Variants in SLC5A4 observed in about 807,000 individuals in gnomAD.
SLC5A4 encodes the protein solute carrier family 5 member 4, also known as probable glucose sensor protein SLC5A4.
SLC5A4 carries 55 observed loss-of-function variants against 70.3 expected under a neutral mutation model. The ratio of observed to expected loss-of-function variants is 0.78; its 90% confidence interval spans 0.63 to 0.98. The LOEUF is 0.98. Among genes scored for constraint, SLC5A4 ranks in the 50% least tolerant of loss-of-function variants. SLC5A4 has a pLI of 0.00. For missense variants in SLC5A4, 735 were observed against 839.2 expected (o/e 0.88, Z 1.53); for synonymous variants, 268 against 305.7 (o/e 0.88, Z 1.29).
At chr22:32,303,077 G>T in the SLC5A4 span, among the ~76,000 whole-genome samples, 1 of 151,952 alleles carries the variant, frequency 6.6e-6, no homozygotes, top group Non-Finnish European at 1.5e-5. Context: ...CAGGATATGG[G>T]TGTGAACCCA....
chr22:32,315,811 AAAAAG>A, the SLC5A4 span, among the ~76,000 whole-genome samples: 1,425 of 133,566 alleles, frequency 0.011, 18 homozygotes, highest in South Asian at 0.027. Context: ...AAAAAAAAAA[AAAAAG>A]AGACTGGATC....
the SLC5A4 span, among the ~76,000 whole-genome samples, chr22:32,260,696 T>G: frequency 6.6e-6 from 1 of 151,234 alleles, no homozygotes; most frequent in African/African-American, 2.4e-5. Flanking sequence ...ACGAGAGGAG[T>G]TAGATGAAAA....
chr22:32,339,456 C>G, the SLC5A4 span, among the ~76,000 whole-genome samples: 1 of 152,288 alleles, frequency 6.6e-6, no homozygotes, highest in Admixed American at 6.5e-5. Flanking sequence ...AGCTCTGATT[C>G]GAAGACTACG....
chr22:32,243,258 G>A (rs1926638820), intron 5 of SLC5A4, among the ~76,000 whole-genome samples: 1 of 152,148 alleles, frequency 6.6e-6, no homozygotes, highest in African/African-American at 2.4e-5. Flanking sequence ...TAAGAAGGGT[G>A]GAGTAGGGAC....
the SLC5A4 span, among the ~76,000 whole-genome samples, chr22:32,349,578 C>A: frequency 0.13 from 19,814 of 152,236 alleles, 1,752 homozygotes; most frequent in Non-Finnish European, 0.2. Context: ...ATTTTGAAGA[C>A]ATTTTCATTT....
the SLC5A4 span, among the ~76,000 whole-genome samples, chr22:32,264,787 A>T: frequency 6.6e-6 from 1 of 152,158 alleles, no homozygotes; most frequent in Admixed American, 6.5e-5. Flanking sequence ...GCTGTTCCAC[A>T]CTTTTTTTGT....
At chr22:32,259,886 G>C (rs4447695), upstream of SLC5A4, among the ~76,000 whole-genome samples, 2 of 152,212 alleles carry the variant, frequency 1.3e-5, no homozygotes, top group East Asian at 3.9e-4. Context: ...GTATTCACAG[G>C]AGTAGGTAAA....
the SLC5A4 span, chr22:32,285,265 C>A: frequency 6.6e-6 from 1 of 152,106 alleles, no homozygotes; most frequent in Non-Finnish European, 1.5e-5. Context: ...CCATGGAATT[C>A]CATTTTACTC....
intron 5 of SLC5A4, among the ~76,000 whole-genome samples, chr22:32,239,553 TA>T (rs1221061789): frequency 0.033 from 554 of 16,628 alleles, 42 homozygotes; most frequent in African/African-American, 0.2. Context: ...TATATATATA[TA>T]TATATATATA....
chr22:32,297,527 A>T, the SLC5A4 span, among the ~76,000 whole-genome samples: 2 of 79,728 alleles, frequency 2.5e-5, no homozygotes, highest in Non-Finnish European at 5.1e-5. Context: ...TATTGTGTCT[A>T]TTTGATTCTT....
chr22:32,262,033 T>A, the SLC5A4 span, among the ~76,000 whole-genome samples: 1 of 152,260 alleles, frequency 6.6e-6, no homozygotes, highest in Admixed American at 6.5e-5. Context: ...TAGTATTCCA[T>A]TGTGCATATA....
At chr22:32,330,875 GCTGTGTAGGAGTGTTGGGGGCTCTCCT>G in the SLC5A4 span, among the ~76,000 whole-genome samples, 3 of 120,344 alleles carry the variant, frequency 2.5e-5, no homozygotes, top group East Asian at 2.9e-4. Flanking sequence ...TGGAGGGTCT[GCTGTGTAGGAGTGTTGGGGGCTCTCCT>G]GTGTGTGTGT....
the SLC5A4 span, among the ~76,000 whole-genome samples, chr22:32,285,959 A>G: frequency 6.6e-6 from 1 of 152,046 alleles, no homozygotes; most frequent in Non-Finnish European, 1.5e-5. Context: ...GATGGTTTCG[A>G]TATCCTGACC....
chr22:32,256,631 A>T (rs959469482), upstream of SLC5A4, among the ~76,000 whole-genome samples: 1 of 152,060 alleles, frequency 6.6e-6, no homozygotes, highest in African/African-American at 2.4e-5. Context: ...TTACTATATA[A>T]ATTTGCCTAT....
At chr22:32,261,992 A>C in the SLC5A4 span, among the ~76,000 whole-genome samples, 4 of 152,236 alleles carry the variant, frequency 2.6e-5, no homozygotes, top group Non-Finnish European at 5.9e-5. Flanking sequence ...ATGTTGTTGC[A>C]AATGACATGA....
chr22:32,306,919 TTG>T, the SLC5A4 span, among the ~76,000 whole-genome samples: 1 of 144,480 alleles, frequency 6.9e-6, no homozygotes, highest in Non-Finnish European at 1.5e-5. Flanking sequence ...GCGCTCTCTC[TTG>T]GGCCACCAGC....
the SLC5A4 span, among the ~76,000 whole-genome samples, chr22:32,307,965 C>A: frequency 6.6e-6 from 1 of 152,240 alleles, no homozygotes; most frequent in Non-Finnish European, 1.5e-5. Context: ...TCACGGCAGA[C>A]AAAATCAACC....
the SLC5A4 span, among the ~76,000 whole-genome samples, chr22:32,325,014 G>A: frequency 3.9e-5 from 6 of 152,238 alleles, no homozygotes; most frequent in South Asian, 2.1e-4. Flanking sequence ...CTCCTGCCAC[G>A]GAGAGCACTC....
chr22:32,264,722 CTGCATGTTT>C, the SLC5A4 span, among the ~76,000 whole-genome samples: 93 of 152,248 alleles, frequency 6.1e-4, no homozygotes, highest in East Asian at 1.9e-4. Context: ...TAATCATACC[CTGCATGTTT>C]TATCCAAGCC....
Sources: allele counts gnomAD v4.1 joint callset (sites outside exome capture counted in the v4.1 genomes callset), GRCh38; gene constraint gnomAD v4.1.1; transcripts MANE v1.5; gene names NCBI Gene and HGNC (gene_info 2026-07-23, HGNC 2026-07-21).